The following TANC2 variants were observed in gnomAD, a reference collection of about 807,000 sequenced individuals.
TANC2 encodes the protein tetratricopeptide repeat, ankyrin repeat and coiled-coil containing 2.
Under a neutral mutation model 210.5 loss-of-function variants are expected in TANC2, and 26 were observed. The observed-to-expected ratio is 0.12, with a 90% CI of 0.09 to 0.17. The LOEUF (loss-of-function observed/expected upper bound fraction) is 0.17, where lower values mean the gene tolerates loss of function less well. Among genes scored for constraint, TANC2 ranks in the 10% least tolerant of loss-of-function variants. The pLI is 1.00. For missense variants in TANC2, 2,129 were observed against 2,608.9 expected (o/e 0.82, Z 4.01); for synonymous variants, 931 against 967.1 (o/e 0.96, Z 0.69).
chr17:63,374,737 G>A (rs1237912420), intron 14 of TANC2, among the ~76,000 whole-genome samples: 2 of 152,194 alleles, frequency 1.3e-5, no homozygotes, highest in East Asian at 3.8e-4. Context: ...AAAAGGTAAA[G>A]ACAGACAAAT....
chr17:62,974,071 G>C (rs1380137969), intron 1 of TANC2, among the ~76,000 whole-genome samples: 2 of 152,172 alleles, frequency 1.3e-5, no homozygotes, highest in Non-Finnish European at 1.5e-5. Flanking sequence ...CTGTTACATA[G>C]CCTGTGCCCA....
chr17:63,012,050 T>C (rs1378232772), intron 2 of TANC2, among the ~76,000 whole-genome samples: 1 of 149,040 alleles, frequency 6.7e-6, no homozygotes, highest in Non-Finnish European at 1.5e-5. Context: ...AGGATCTCAC[T>C]CTGTTGCCCA....
At chr17:63,158,636 T>TG (rs1248915731) in intron 5 of TANC2, among the ~76,000 whole-genome samples, 2 of 152,258 alleles carry the variant, frequency 1.3e-5, no homozygotes, top group African/African-American at 4.8e-5. Context: ...TTGTAAGACT[T>TG]GCAGGAAGTG....
intron 5 of TANC2, among the ~76,000 whole-genome samples, chr17:63,173,186 C>A (rs1306156503): frequency 1.3e-5 from 2 of 152,022 alleles, no homozygotes; most frequent in Non-Finnish European, 2.9e-5. Flanking sequence ...CATTTATCCT[C>A]AAAAATCAAG....
intron 7 of TANC2, among the ~76,000 whole-genome samples, chr17:63,207,491 A>AG (rs2041758310): frequency 6.6e-6 from 1 of 152,108 alleles, no homozygotes; most frequent in African/African-American, 2.4e-5. Context: ...CTGGGATTAC[A>AG]GGCATGAGCC....
At chr17:63,044,481 C>T (rs2035305434) in intron 2 of TANC2, among the ~76,000 whole-genome samples, 1 of 151,876 alleles carries the variant, frequency 6.6e-6, no homozygotes. Context: ...TTTTATGAGC[C>T]CATTTCTTCC....
At chr17:63,050,628 G>T (rs568780177) in intron 2 of TANC2, among the ~76,000 whole-genome samples, 12 of 152,160 alleles carry the variant, frequency 7.9e-5, no homozygotes, top group Non-Finnish European at 1.8e-4. Flanking sequence ...CTAGAGACAG[G>T]AGCAAAACCA....
intron 9 of TANC2, among the ~76,000 whole-genome samples, chr17:63,309,682 T>C (rs1298944498): frequency 6.6e-6 from 1 of 152,174 alleles, no homozygotes; most frequent in Non-Finnish European, 1.5e-5. Context: ...ATGAATAAAA[T>C]TGAAAAGATT....
rs1274477831 is a variant in TANC2, at chr17:63,035,170, A to G, written c.67+25544A>G. ...CCCCCCGATCAGTCAGCATCCATCAACATAGAGAAAGACCCTCCACCAGCA... is the reference window on the plus strand; with the variant it reads ...CCCCCCGATCAGTCAGCATCCATCAGCATAGAGAAAGACCCTCCACCAGCA... On this transcript the variant is annotated intron_variant, in intron 2 of 27. Coordinates refer to ENST00000689528, the Ensembl canonical transcript of TANC2. Among the ~76,000 whole-genome samples the G allele has an allele frequency of 2.6e-5, 4 of 152,204 alleles. No homozygotes were observed. In the East Asian group the frequency reaches 7.7e-4, roughly 29 times the overall value.
chr17:63,116,592 ACTTT>A lies in TANC2; in HGVS notation c.322+17240_322+17243del, dbSNP rs146056948. On this transcript the variant is annotated intron_variant, in intron 4 of 27. Coordinates refer to ENST00000689528, the Ensembl canonical transcript of TANC2. ...TTTAGTGAAGTAAGTGTCTTTTGAA[ACTTT>A]CTTTATCTAGAAGGAATACAGGTGA... 2.9e-3 allele frequency among the ~76,000 whole-genome samples: 439 copies of A among 152,288 alleles called. 3 individuals are homozygous for A. The highest frequency in any genetic ancestry group is 1.0e-2 in the African/African-American group (415 of 41,556).
chr17:63,079,642 A>G (rs1443789586), intron 3 of TANC2, among the ~76,000 whole-genome samples: 1 of 152,174 alleles, frequency 6.6e-6, no homozygotes, highest in East Asian at 1.9e-4. Flanking sequence ...GCTGATCCCC[A>G]TATAGGTGCA....
At chr17:62,990,086 T>C (rs1472982360) in intron 1 of TANC2, among the ~76,000 whole-genome samples, 1 of 151,896 alleles carries the variant, frequency 6.6e-6, no homozygotes, top group African/African-American at 2.4e-5. Context: ...CAAGGCATGC[T>C]TTTTGGTTAG....
intron 3 of TANC2, among the ~76,000 whole-genome samples, chr17:63,093,125 T>C (rs1303274466): frequency 1.3e-5 from 2 of 152,164 alleles, no homozygotes; most frequent in Non-Finnish European, 1.5e-5. Flanking sequence ...TGGTTCATCT[T>C]TTTGGGATCC....
intron 3 of TANC2, among the ~76,000 whole-genome samples, chr17:63,091,162 C>A (rs1020187944): frequency 5.3e-5 from 8 of 151,732 alleles, no homozygotes; most frequent in African/African-American, 1.9e-4. Context: ...CTGTAGGTTG[C>A]CTGTTCACTC....
At chr17:63,419,973 T>C in intron 27 of TANC2, 26 bp from the exon 28 acceptor site, 1 of 1,513,366 alleles carries the variant, frequency 6.6e-7, no homozygotes, top group Non-Finnish European at 8.9e-7. Context: ...TAACTCCAGT[T>C]CCTGTGTTCA....
At chr17:63,319,202 A>T (rs2146623475) in intron 11 of TANC2, 112 bp downstream of exon 11, 1 of 1,078,936 alleles carries the variant, frequency 9.3e-7, no homozygotes, top group East Asian at 2.6e-5. Flanking sequence ...CTATACCATG[A>T]GAACGTGGAG....
intron 1 of TANC2, among the ~76,000 whole-genome samples, chr17:62,972,335 T>C (rs2031747540): frequency 6.6e-6 from 1 of 152,226 alleles, no homozygotes; most frequent in Admixed American, 6.5e-5. Context: ...GTCAAAATAA[T>C]TGTGTTAGTG....
chr17:63,371,029 T>G (rs1324708009), intron 14 of TANC2, among the ~76,000 whole-genome samples: 1 of 152,210 alleles, frequency 6.6e-6, no homozygotes, highest in African/African-American at 2.4e-5. Context: ...ATAACCCACA[T>G]TAGCCTCCGT....
chr17:63,332,611 A>G (rs2045894473), intron 11 of TANC2: 1 of 218,954 alleles, frequency 4.6e-6, no homozygotes, highest in African/African-American at 2.3e-5. Context: ...GAAGTGACAT[A>G]CAGCTTGTCT....
Sources: gnomAD v4.1 joint callset for allele counts (sites outside exome capture counted in the v4.1 genomes callset) on GRCh38, gnomAD v4.1.1 for gene constraint, MANE v1.5 for transcripts, NCBI Gene and HGNC (gene_info 2026-07-23, HGNC 2026-07-21) for gene names.